The following STX8 variants were observed in gnomAD, a reference collection of about 807,000 sequenced individuals.
STX8 encodes syntaxin 8.
A neutral mutation model predicts 37.5 loss-of-function variants in STX8; 23 were observed. The ratio of observed to expected loss-of-function variants is 0.61; its 90% confidence interval spans 0.44 to 0.87. STX8 has a LOEUF of 0.87. Among genes scored for constraint, STX8 ranks in the 40% least tolerant of loss-of-function variants. STX8 has a pLI of 0.00. For synonymous variants in STX8, 115 were observed against 99.1 expected, an observed-to-expected ratio of 1.16 and a Z score of -0.95; for missense variants, 313 against 284.7, an observed-to-expected ratio of 1.10 and a Z score of -0.71.
chr17:9,484,734 C>T lies in STX8; in HGVS notation c.541+7095G>A, dbSNP rs866153005. Among the ~76,000 whole-genome samples the T allele has an allele frequency of 4.6e-5, 7 of 151,530 alleles. 1 individual carries two copies. In the Middle Eastern group the frequency reaches 0.014, roughly 297 times the overall value. On this transcript the variant is annotated intron_variant, in intron 6 of 7. Coordinates refer to ENST00000306357, the MANE Select transcript of STX8 (RefSeq NM_004853.3). ...CCCAGCTACTCGGGAGGCTGAGGCA[C>T]AAGAATCACTTGAACCCGAGAGGTG...
chr17:9,351,400 G>C (rs1394367239), intron 7 of STX8, among the ~76,000 whole-genome samples: 1 of 151,612 alleles, frequency 6.6e-6, no homozygotes, highest in Non-Finnish European at 1.5e-5. Context: ...CTCGTGATCT[G>C]CCCGCCTCGG....
At chr17:9,274,714 T>TAATAA (rs1555586583) in intron 7 of STX8, among the ~76,000 whole-genome samples, 1 of 85,000 alleles carries the variant, frequency 1.2e-5, no homozygotes, top group Non-Finnish European at 2.6e-5. Flanking sequence ...ATAATAATAA[T>TAATAA]AAACAAAGTC....
intron 7 of STX8, among the ~76,000 whole-genome samples, chr17:9,283,020 T>C (rs1259648653): frequency 1.3e-5 from 2 of 151,586 alleles, no homozygotes; most frequent in Admixed American, 1.3e-4. Context: ...GCAAGAGAGT[T>C]TACGTATTTG....
chr17:9,350,173 G>A (rs922180517), intron 7 of STX8, among the ~76,000 whole-genome samples: 1 of 146,856 alleles, frequency 6.8e-6, no homozygotes, highest in Admixed American at 6.8e-5. Flanking sequence ...TCATGGTAAT[G>A]ACTAATGAAT....
At chr17:9,368,079 T>TA (rs1911286448) in intron 7 of STX8, among the ~76,000 whole-genome samples, 1 of 152,158 alleles carries the variant, frequency 6.6e-6, no homozygotes, top group Non-Finnish European at 1.5e-5. Flanking sequence ...TGTAAAAAAT[T>TA]ACTTGCAGAA....
intron 1 of STX8, among the ~76,000 whole-genome samples, chr17:9,574,535 G>T (rs905965310): frequency 1.2e-4 from 10 of 83,206 alleles, no homozygotes; most frequent in Admixed American, 5.6e-4. Context: ...GGATTTTGGG[G>T]TTTTTTATTT....
At chr17:9,554,395 A>G (rs1300643417) in intron 3 of STX8, 2 of 152,234 alleles carry the variant, frequency 1.3e-5, no homozygotes, top group Admixed American at 1.3e-4. Flanking sequence ...TTCTTTGTAA[A>G]GAAGAGAAGG....
chr17:9,287,032 C>T (rs530095353), intron 7 of STX8, among the ~76,000 whole-genome samples: 1 of 152,264 alleles, frequency 6.6e-6, no homozygotes, highest in South Asian at 2.1e-4. Flanking sequence ...TTCACGTGGG[C>T]AAACTGAATG....
intron 6 of STX8, among the ~76,000 whole-genome samples, chr17:9,482,062 G>C (rs1906372613): frequency 6.6e-6 from 1 of 152,160 alleles, no homozygotes; most frequent in Non-Finnish European, 1.5e-5. Flanking sequence ...GTCCCAGCTA[G>C]TTGGGAGGCT....
rs553634469 is a variant in STX8 at position 9,338,295 on chromosome 17, C to T, written c.643+40257G>A. Among the ~76,000 whole-genome samples the T allele has an allele frequency of 3.3e-5, 5 of 152,166 alleles. No homozygotes were observed. In the South Asian group the frequency reaches 1.0e-3, roughly 32 times the overall value. On this transcript the variant is annotated intron_variant, in intron 7 of 7. Coordinates refer to ENST00000306357, the MANE Select transcript of STX8 (RefSeq NM_004853.3). ...TCTCAAACTCCTGACCTCAGGTGAT[C>T]CGCCTACATCAGCCTCCCAAAGTGC...
chr17:9,262,621 C>T (rs539490840), intron 7 of STX8, among the ~76,000 whole-genome samples: 22 of 151,618 alleles, frequency 1.5e-4, no homozygotes, highest in Non-Finnish European at 1.8e-4. Flanking sequence ...CTTGCTCTGT[C>T]GCCAGGCTAG....
chr17:9,496,324 C>T (rs969231957), intron 5 of STX8, among the ~76,000 whole-genome samples: 13 of 152,140 alleles, frequency 8.5e-5, no homozygotes, highest in Admixed American at 8.5e-4. Context: ...GATCCAGCTG[C>T]CTCGGCCTCC....
chr17:9,483,796 C>G (rs1445164151), intron 6 of STX8, among the ~76,000 whole-genome samples: 1 of 152,154 alleles, frequency 6.6e-6, no homozygotes, highest in Non-Finnish European at 1.5e-5. Flanking sequence ...GTGTGTCACA[C>G]AAAGCAGAGA....
Position 9,327,299 on chromosome 17 carries a change from A to G in STX8, c.643+51253T>C, listed in dbSNP as rs1392499210. Among the ~76,000 whole-genome samples, 232 of 135,536 alleles carry G rather than the reference A, an allele frequency of 1.7e-3. 3 individuals carry two copies. Among genetic ancestry groups the G allele is most frequent in the African/African-American group, 7.6e-3 (205 of 26,862 alleles). 88.9% of individuals were successfully genotyped at this position (135,536 alleles called of 152,430 possible). A position where few individuals can be genotyped will look rare whatever the true frequency, so the allele number is the denominator to read the frequency against. ...GGAAGAAGGAAGAAAGAAGAAGAAG[A>G]AAGAAAGAAGAAGAAGGAAGAAGGA... On this transcript the variant is annotated intron_variant, in intron 7 of 7. Coordinates refer to ENST00000306357, the MANE Select transcript of STX8 (RefSeq NM_004853.3).
At chr17:9,420,100 T>A (rs967477496) in intron 6 of STX8, among the ~76,000 whole-genome samples, 8 of 152,200 alleles carry the variant, frequency 5.3e-5, no homozygotes, top group African/African-American at 1.9e-4. Flanking sequence ...CTTACAACAT[T>A]CTTGGTGAAA....
chr17:9,314,789 T>C (rs1027751795), intron 7 of STX8, among the ~76,000 whole-genome samples: 1 of 150,762 alleles, frequency 6.6e-6, no homozygotes, highest in Non-Finnish European at 1.5e-5. Context: ...TGGCCAAGGG[T>C]AGCCCAGAGA....
intron 4 of STX8, among the ~76,000 whole-genome samples, chr17:9,506,854 G>C (rs1904857374): frequency 6.6e-6 from 1 of 152,004 alleles, no homozygotes; most frequent in African/African-American, 2.4e-5. Context: ...TTAGACCACA[G>C]CTCCCTCTGG....
chr17:9,268,850 A>G (rs1248740135), intron 7 of STX8, among the ~76,000 whole-genome samples: 1 of 152,210 alleles, frequency 6.6e-6, no homozygotes, highest in Admixed American at 6.5e-5. Flanking sequence ...TTGGCGTAAA[A>G]GCTGTTGTGC....
At chr17:9,300,188 G>A (rs1173681279) in intron 7 of STX8, among the ~76,000 whole-genome samples, 4 of 151,898 alleles carry the variant, frequency 2.6e-5, no homozygotes, top group South Asian at 2.1e-4. Context: ...AAAATTAGCC[G>A]GGCATGGTGG....
Sources: allele counts gnomAD v4.1 joint callset (sites outside exome capture counted in the v4.1 genomes callset), GRCh38; gene constraint gnomAD v4.1.1; transcripts MANE v1.5; gene names NCBI Gene and HGNC (gene_info 2026-07-23, HGNC 2026-07-21).